HECW1: variants seen among roughly 807,000 people sequenced by gnomAD.
The protein encoded by HECW1 is HECT, C2 and WW domain containing E3 ubiquitin protein ligase 1, also known as E3 ubiquitin-protein ligase HECW1.
HECW1 carries 61 observed loss-of-function variants against 182.3 expected under a neutral mutation model. The observed-to-expected ratio is 0.33, with a 90% CI of 0.27 to 0.41. HECW1 has a LOEUF of 0.41. HECW1 is among the 10% of genes least tolerant of loss of function. The pLI, the probability that HECW1 is intolerant of heterozygous loss-of-function variation, is 1.00. For missense variants in HECW1, 1,739 were observed against 2,108.9 expected (o/e 0.82, Z 3.44); for synonymous variants, 859 against 832.6 (o/e 1.03, Z -0.55).
chr7:43,475,654 A>G (rs1299802617), intron 16 of HECW1, among the ~76,000 whole-genome samples: 1 of 152,172 alleles, frequency 6.6e-6, no homozygotes, highest in Non-Finnish European at 1.5e-5. Flanking sequence ...GTGCTCCAGC[A>G]ATCTTCCCAC....
intron 6 of HECW1, among the ~76,000 whole-genome samples, chr7:43,375,590 C>T (rs748070541): frequency 2.6e-5 from 4 of 151,956 alleles, no homozygotes; most frequent in Non-Finnish European, 4.4e-5. Context: ...TATTCTGTAA[C>T]ACTTGTTTTT....
intron 8 of HECW1, 79 bp from the exon 9 acceptor site, chr7:43,437,924 G>A (rs2076762441): frequency 2.1e-6 from 3 of 1,409,552 alleles, no homozygotes; most frequent in African/African-American, 2.8e-5. Flanking sequence ...TACAGTGACA[G>A]CATCAAGGCA....
intron 2 of HECW1, among the ~76,000 whole-genome samples, chr7:43,228,501 A>G (rs944678884): frequency 6.6e-6 from 1 of 152,234 alleles, no homozygotes; most frequent in African/African-American, 2.4e-5. Flanking sequence ...GGAGGTGCAA[A>G]GAACTATGGG....
intron 9 of HECW1, among the ~76,000 whole-genome samples, chr7:43,441,900 C>T (rs1220651291): frequency 6.6e-6 from 1 of 152,222 alleles, no homozygotes; most frequent in African/African-American, 2.4e-5. Flanking sequence ...ATTTGCCTAC[C>T]CTACCCCTGC....
chr7:43,406,938 A>G (rs944460134), intron 7 of HECW1, among the ~76,000 whole-genome samples: 2 of 152,158 alleles, frequency 1.3e-5, no homozygotes, highest in African/African-American at 2.4e-5. Context: ...GACATCATCA[A>G]TATATTTCTA....
intron 6 of HECW1, among the ~76,000 whole-genome samples, chr7:43,393,137 T>C (rs1261817512): frequency 6.6e-6 from 1 of 152,150 alleles, no homozygotes; most frequent in Non-Finnish European, 1.5e-5. Flanking sequence ...TGGAAACATT[T>C]GGGTGCAAGA....
chr7:43,430,980 C>G (rs2076531712), intron 8 of HECW1, among the ~76,000 whole-genome samples: 1 of 151,798 alleles, frequency 6.6e-6, no homozygotes, highest in Non-Finnish European at 1.5e-5. Flanking sequence ...GGGGGTTTTC[C>G]CATGTTGGCC....
chr7:43,335,899 T>C (rs1812088561), intron 5 of HECW1, among the ~76,000 whole-genome samples: 2 of 112,158 alleles, frequency 1.8e-5, no homozygotes, highest in South Asian at 5.8e-4. Flanking sequence ...CTTTCTCTCT[T>C]TCTGTCTTTA....
At chr7:43,125,251 C>A (rs1282609699) in intron 2 of HECW1, among the ~76,000 whole-genome samples, 1 of 152,038 alleles carries the variant, frequency 6.6e-6, no homozygotes, top group Non-Finnish European at 1.5e-5. Context: ...TTCCAACATG[C>A]GAATTTGAGG....
At chr7:43,541,016 A>G in intron 24 of HECW1, 147 bp from the exon 25 acceptor site, 1 of 672,332 alleles carries the variant, frequency 1.5e-6, no homozygotes, top group Admixed American at 2.2e-5. Context: ...AAAGGACAAG[A>G]ACAGGTGCCT....
At chr7:43,210,143 A>ACTTGTCC (rs1795875343) in intron 2 of HECW1, among the ~76,000 whole-genome samples, 1 of 152,050 alleles carries the variant, frequency 6.6e-6, no homozygotes, top group African/African-American at 2.4e-5. Context: ...CTTCCTTCCC[A>ACTTGTCC]CAGAAGGATC....
intron 17 of HECW1, chr7:43,484,159 C>G (rs573120433): frequency 6.6e-6 from 1 of 152,422 alleles, no homozygotes; most frequent in South Asian, 2.1e-4. Context: ...CCAGCTTCCT[C>G]TGCAAATGGG....
intron 3 of HECW1, among the ~76,000 whole-genome samples, chr7:43,295,264 A>G (rs1805895453): frequency 6.6e-6 from 1 of 152,146 alleles, no homozygotes; most frequent in Non-Finnish European, 1.5e-5. Context: ...TATCATTTTT[A>G]TAGTTGTGAG....
chr7:43,149,939 A>G (rs971578619), intron 2 of HECW1, among the ~76,000 whole-genome samples: 1 of 152,128 alleles, frequency 6.6e-6, no homozygotes, highest in African/African-American at 2.4e-5. Flanking sequence ...GTGGTCATAG[A>G]TATCTTTTGG....
intron 2 of HECW1, among the ~76,000 whole-genome samples, chr7:43,152,973 A>G (rs1410785654): frequency 6.6e-6 from 1 of 152,114 alleles, no homozygotes; most frequent in East Asian, 1.9e-4. Context: ...GCTTCTTTTA[A>G]AAAAATTCCT....
Position 43,468,955 on chromosome 7 carries a change from A to G in HECW1, c.2949A>G (p.Leu983=), listed in dbSNP as rs898882378. The change falls in exon 16 of 30, where the codon TTA becomes TTG. Residue 983 remains leucine (L), a synonymous_variant. Coordinates refer to ENST00000395891, the MANE Select transcript of HECW1 (RefSeq NM_015052.5). Reference sequence around the variant, plus strand: ...GAGTCTTCACCAGTAGCACCTGCTTAAAGCACATGATTCTGAAAGTCCGAC... The same window carrying G: ...GAGTCTTCACCAGTAGCACCTGCTTGAAGCACATGATTCTGAAAGTCCGAC... ...AYRVFTSSTC[L]KHMILKVRRD... 4 of 1,614,108 alleles carry G rather than the reference A, an allele frequency of 2.5e-6. No individual in the cohort carries two copies. The Admixed American group carries it at 6.7e-5, about 27-fold the overall frequency.
intron 3 of HECW1, among the ~76,000 whole-genome samples, chr7:43,247,453 G>A (rs918091182): frequency 2.6e-5 from 4 of 152,110 alleles, no homozygotes; most frequent in Non-Finnish European, 4.4e-5. Context: ...ATATAAGCCT[G>A]GGCAACATGG....
chr7:43,315,565 C>T (rs1809134876), intron 4 of HECW1, among the ~76,000 whole-genome samples: 1 of 152,046 alleles, frequency 6.6e-6, no homozygotes. Context: ...ACGATCCCAG[C>T]TCACTGCAAC....
At chr7:43,408,539 A>C (rs1201288055) in intron 8 of HECW1, among the ~76,000 whole-genome samples, 1 of 150,652 alleles carries the variant, frequency 6.6e-6, no homozygotes, top group African/African-American at 2.5e-5. Context: ...AAAAAAAATT[A>C]GCTGAGCCTG....
Sources: allele counts gnomAD v4.1 joint callset (sites outside exome capture counted in the v4.1 genomes callset), GRCh38; gene constraint gnomAD v4.1.1; transcripts MANE v1.5; gene names NCBI Gene and HGNC (gene_info 2026-07-23, HGNC 2026-07-21).